YARS1: variants seen among roughly 807,000 people sequenced by gnomAD.
The protein encoded by YARS1 is tyrosyl-tRNA synthetase 1.
A neutral mutation model predicts 62.2 loss-of-function variants in YARS1; 36 were observed. The observed-to-expected ratio is 0.58, with a 90% confidence interval of 0.44 to 0.76. YARS1 has a LOEUF of 0.76. Among genes scored for constraint, YARS1 ranks in the 30% least tolerant of loss-of-function variants. The pLI, the probability that YARS1 is intolerant of heterozygous loss-of-function variation, is 0.00. For synonymous variants in YARS1, 234 were observed against 244.9 expected, an observed-to-expected ratio of 0.96 and a Z score of 0.42; for missense variants, 524 against 639.8, an observed-to-expected ratio of 0.82 and a Z score of 1.95.
At chr1:32,793,094 G>A (rs1653467507) in intron 5 of YARS1, among the ~76,000 whole-genome samples, 2 of 152,004 alleles carry the variant, frequency 1.3e-5, no homozygotes, top group Admixed American at 6.6e-5. Flanking sequence ...CAGAAGACAC[G>A]ATTGATAAAC....
At chr1:32,798,109 T>C in intron 4 of YARS1, 1 of 423,334 alleles carries the variant, frequency 2.4e-6, no homozygotes, top group Non-Finnish European at 4.4e-6. Flanking sequence ...TGAGCTCACC[T>C]TGGCCACCCA....
chr1:32,788,727 G>A (rs1327810546), intron 6 of YARS1, among the ~76,000 whole-genome samples: 2 of 151,914 alleles, frequency 1.3e-5, no homozygotes, highest in African/African-American at 2.4e-5. Flanking sequence ...CACCGCACCT[G>A]GCATGCCTGG....
intron 5 of YARS1, among the ~76,000 whole-genome samples, chr1:32,791,802 C>CA (rs577096195): frequency 1.6e-3 from 241 of 152,036 alleles, no homozygotes; most frequent in Non-Finnish European, 2.7e-3. Flanking sequence ...GACTCCATCT[C>CA]AAAAAACAAA....
intron 8 of YARS1, chr1:32,782,785 C>G (rs1164568496): frequency 1.9e-6 from 1 of 524,746 alleles, no homozygotes; most frequent in East Asian, 3.5e-5. Flanking sequence ...ATTTGTTAGT[C>G]TAATTCTTCT....
At chr1:32,794,028 G>A (rs755034487) in intron 5 of YARS1, among the ~76,000 whole-genome samples, 2 of 152,188 alleles carry the variant, frequency 1.3e-5, no homozygotes, top group Non-Finnish European at 2.9e-5. Flanking sequence ...GGGGAAGTAG[G>A]GGTAGATATA....
At position 32,781,074 on chromosome 1, in the gene YARS1, C is replaced by A; in HGVS notation, c.1114G>T (p.Val372Leu). 1 of 1,614,222 alleles carries A rather than the reference C, an allele frequency of 6.2e-7. No individual in the cohort carries two copies. The highest frequency in any genetic ancestry group is 8.5e-7 in the Non-Finnish European group (1 of 1,180,046). ...TTCTCCACAGTGATGATTTTCCCCA[C>A]ACGGATATCCAGCCGGGATGGGATG... Reference protein sequence around the residue: ...EVIPSRLDIRVGKIITVEKHP... With the variant: ...EVIPSRLDIRLGKIITVEKHP... The change falls in exon 10 of 13, where the codon GTG becomes TTG. Residue 372 changes from valine to leucine, a missense_variant. By Grantham distance (32) the Val-to-Leu change is conservative (BLOSUM62 1). Coordinates refer to ENST00000373477, the MANE Select transcript of YARS1 (RefSeq NM_003680.4).
intron 8 of YARS1, among the ~76,000 whole-genome samples, chr1:32,784,097 T>C (rs1653144627): frequency 6.6e-6 from 1 of 151,820 alleles, no homozygotes; most frequent in Admixed American, 6.6e-5. Flanking sequence ...TTTGATCTCC[T>C]GGGCTCAAGC....
chr1:32,799,983 C>CG (rs1278771791), intron 4 of YARS1, among the ~76,000 whole-genome samples: 2 of 151,662 alleles, frequency 1.3e-5, no homozygotes, highest in Non-Finnish European at 2.9e-5. Flanking sequence ...AGCATGTCTC[C>CG]GGGTTTTCTT....
intron 3 of YARS1, among the ~76,000 whole-genome samples, chr1:32,809,126 G>C (rs1638526074): frequency 1.3e-5 from 2 of 150,446 alleles, no homozygotes; most frequent in Non-Finnish European, 3.0e-5. Flanking sequence ...TCACTCTGTT[G>C]CCCAGGCTGG....
chr1:32,779,688 C>T (rs910012852), intron 11 of YARS1, 165 bp from the exon 12 acceptor site: 3 of 861,300 alleles, frequency 3.5e-6, no homozygotes, highest in Non-Finnish European at 3.6e-6. Flanking sequence ...CCCTGCATAT[C>T]ACCAGGGTTA....
rs150849216 is a variant in YARS1 at position 32,807,261 on chromosome 1, C to G, written c.381-650G>C. Among the ~76,000 whole-genome samples the G allele has an allele frequency of 6.6e-5, 10 of 152,242 alleles. No homozygotes were observed. The Middle Eastern group carries it at 0.02, about 311-fold the overall frequency. ...TTAGAACACTAGTTCACCATCTTCT[C>G]GGTTTGTTGGCTTTCTGATCAAACC... On this transcript the variant is annotated intron_variant, in intron 3 of 12. Transcript: ENST00000373477.
chr1:32,807,595 C>G (rs2148615384), intron 3 of YARS1, among the ~76,000 whole-genome samples: 1 of 151,682 alleles, frequency 6.6e-6, no homozygotes, highest in African/African-American at 2.4e-5. Context: ...GGAACTAGGA[C>G]TATAGGCATG....
At chr1:32,797,923 T>G (rs543467413) in intron 4 of YARS1, 80 bp from the exon 5 acceptor site, 32 of 1,256,056 alleles carry the variant, frequency 2.5e-5, no homozygotes, top group Non-Finnish European at 3.7e-5. Flanking sequence ...CAGGCTGGAG[T>G]GCTGTGGCGT....
intron 8 of YARS1, chr1:32,783,212 G>C (rs916448188): frequency 6.5e-6 from 1 of 153,192 alleles, no homozygotes; most frequent in African/African-American, 2.4e-5. Flanking sequence ...CTCACAGGAT[G>C]GGGATGAGGG....
At chr1:32,798,435 T>C (rs1190351489) in intron 4 of YARS1, among the ~76,000 whole-genome samples, 1 of 152,164 alleles carries the variant, frequency 6.6e-6, no homozygotes, top group Non-Finnish European at 1.5e-5. Flanking sequence ...AAACAAACCA[T>C]AGTCATGCCA....
At chr1:32,815,539 T>C (rs1638691156) in intron 1 of YARS1, among the ~76,000 whole-genome samples, 1 of 152,220 alleles carries the variant, frequency 6.6e-6, no homozygotes, top group African/African-American at 2.4e-5. Context: ...CATCAACTGA[T>C]GAACGGATAA....
chr1:32,804,028 C>G (rs537972019), intron 4 of YARS1, among the ~76,000 whole-genome samples: 11 of 152,232 alleles, frequency 7.2e-5, no homozygotes, highest in Admixed American at 2.6e-4. Flanking sequence ...GTGGACACAG[C>G]ACATGTTTCA....
chr1:32,778,831 C>A (rs1296478175), intron 12 of YARS1, among the ~76,000 whole-genome samples: 1 of 151,334 alleles, frequency 6.6e-6, no homozygotes, highest in Non-Finnish European at 1.5e-5. Flanking sequence ...CTCTGCCTCC[C>A]GGGTTCAAGT....
At chr1:32,811,364 G>T in intron 1 of YARS1, 1 of 427,132 alleles carries the variant, frequency 2.3e-6, no homozygotes, top group Non-Finnish European at 4.4e-6. Context: ...GCACATCAAA[G>T]AACGCAAATA....
Sources: gnomAD v4.1 joint callset for allele counts (sites outside exome capture counted in the v4.1 genomes callset) on GRCh38, gnomAD v4.1.1 for gene constraint, MANE v1.5 for transcripts, NCBI Gene and HGNC (gene_info 2026-07-23, HGNC 2026-07-21) for gene names.